The following LDHB variants were observed in gnomAD, a reference collection of about 807,000 sequenced individuals.
LDHB encodes the protein lactate dehydrogenase B.
LDHB carries 18 observed loss-of-function variants against 33.4 expected under a neutral mutation model. The observed-to-expected ratio is 0.54, with a 90% CI of 0.37 to 0.80. The LOEUF (loss-of-function observed/expected upper bound fraction) is 0.80, where lower values mean the gene tolerates loss of function less well. LDHB is among the 30% of genes least tolerant of loss of function. The probability of loss-of-function intolerance (pLI) is 0.00; values close to 1 mark genes in which losing one functional copy is unlikely to be tolerated. For missense variants in LDHB, 345 were observed against 407.9 expected (o/e 0.85, Z 1.33); for synonymous variants, 121 against 140.6 (o/e 0.86, Z 0.98).
intron 4 of LDHB, among the ~76,000 whole-genome samples, chr12:21,642,611 C>T (rs1025387949): frequency 2.6e-5 from 4 of 152,128 alleles, no homozygotes; most frequent in Non-Finnish European, 5.9e-5. Flanking sequence ...TGTGATAATA[C>T]GTAGTATTAA....
intron 3 of LDHB, among the ~76,000 whole-genome samples, chr12:21,644,966 G>A (rs1938480153): frequency 6.6e-6 from 1 of 152,144 alleles, no homozygotes; most frequent in African/African-American, 2.4e-5. Context: ...AGAGAGATCA[G>A]ACTGTTACTG....
chr12:21,643,254 T>C (rs1938422829), intron 4 of LDHB, among the ~76,000 whole-genome samples: 1 of 152,356 alleles, frequency 6.6e-6, no homozygotes, highest in South Asian at 2.1e-4. Flanking sequence ...TACTATTTTC[T>C]CAATGTACCT....
At chr12:21,657,440 G>A (rs1014409344) in intron 1 of LDHB, 2 of 152,416 alleles carry the variant, frequency 1.3e-5, no homozygotes, top group Non-Finnish European at 2.9e-5. Context: ...AGCAGGCCGT[G>A]GGGGTGATGT....
At chr12:21,653,884 TAAA>T (rs1468256887) in intron 2 of LDHB, among the ~76,000 whole-genome samples, 1 of 152,088 alleles carries the variant, frequency 6.6e-6, no homozygotes. Context: ...ACTTATTAAT[TAAA>T]AGAGGGAAAG....
In LDHB at chr12:21,651,557, A is replaced by G. The variant is rs376276396; in HGVS notation, c.129+2986T>C. Among the ~76,000 whole-genome samples, 4 of 152,300 alleles carry G rather than the reference A, an allele frequency of 2.6e-5. No individual in the cohort carries two copies. In the East Asian group the frequency reaches 5.8e-4, roughly 22 times the overall value. The stretch of plus-strand genomic sequence containing the variant: ...GCAAGGTACACCATCTATGAGCTCA[A>G]AAAGGCCAGATCTGGCACTTACTAT... On this transcript the variant is annotated intron_variant, in intron 2 of 7. Transcript: ENST00000350669.
At position 21,637,068 on chromosome 12, in the gene LDHB, T is replaced by C. The variant is rs200082989; in HGVS notation, c.837+3A>G. The C allele has an allele frequency of 1.4e-5, 22 of 1,602,680 alleles. No homozygotes were observed. Among genetic ancestry groups the C allele is most frequent in the East Asian group, 2.2e-5 (1 of 44,710 alleles). ...TATTACATTTTGTGGTAGTTTGTCT[T>C]ACCTTTACCATTGTTGACACGGGAT... On this transcript the variant is annotated splice_donor_region_variant and intron_variant, in intron 7 of 7. Transcript: ENST00000350669.
At position 21,646,909 on chromosome 12, in the gene LDHB, C is replaced by T; in HGVS notation, c.237G>A (p.Val79=). The change falls in exon 3 of 8, where the codon GTG becomes GTA. Residue 79 remains valine, a synonymous_variant. Coordinates refer to ENST00000350669, the MANE Select transcript of LDHB (RefSeq NM_002300.8). Reference sequence around the variant, plus strand: ...ATTAAGTGAAATTACCTTTATCTGCCACAATTTTAGGTGTCTGAAGAAATA... The same window carrying T: ...ATTAAGTGAAATTACCTTTATCTGCTACAATTTTAGGTGTCTGAAGAAATA... ...GSLFLQTPKI[V]ADKDYSVTAN... 1.2e-6 allele frequency: 2 copies of T among 1,602,884 alleles called. No individual in the cohort carries two copies. Among genetic ancestry groups the T allele is most frequent in the Non-Finnish European group, 1.7e-6 (2 of 1,170,018 alleles).
At chr12:21,642,702 C>T (rs375370122) in intron 4 of LDHB, among the ~76,000 whole-genome samples, 21 of 152,268 alleles carry the variant, frequency 1.4e-4, no homozygotes, top group African/African-American at 4.6e-4. Flanking sequence ...AGACATAAAA[C>T]TTTTGCTGAT....
intron 6 of LDHB, 26 bp from the exon 7 acceptor site, chr12:21,637,220 C>T: frequency 6.4e-7 from 1 of 1,553,630 alleles, no homozygotes; most frequent in East Asian, 2.2e-5. Context: ...AAAGACATCA[C>T]TGAAATAAGA....
At position 21,635,673 on chromosome 12, in the gene LDHB, G is replaced by A. The variant is rs947068791; in HGVS notation, c.874C>T (p.Leu292Phe). Residue 292 changes from leucine (L) to phenylalanine (F), a missense_variant, in exon 8 of 8, where the codon CTT (leucine) becomes TTT (phenylalanine). Leu to Phe is a conservative substitution (Grantham distance 22, BLOSUM62 0). Coordinates refer to ENST00000350669, the MANE Select transcript of LDHB (RefSeq NM_002300.8). ...CCCCGGGCATTGAGGATACATGGAA[G>A]GCTCAGGAAGACTTCATTCTCAATG... ...YGIENEVFLS[L>F]PCILNARGLT... The A allele has an allele frequency of 1.9e-5, 30 of 1,613,770 alleles. No individual in the cohort carries two copies. The highest frequency in any genetic ancestry group is 2.5e-5 in the Non-Finnish European group (30 of 1,179,838).
chr12:21,655,649 G>A (rs1304676957), intron 1 of LDHB, among the ~76,000 whole-genome samples: 2 of 152,106 alleles, frequency 1.3e-5, no homozygotes, highest in South Asian at 2.1e-4. Context: ...ATACATTGTC[G>A]TTTCAGGGGA....
intron 3 of LDHB, among the ~76,000 whole-genome samples, 162 bp from the exon 4 acceptor site, chr12:21,644,270 G>A (rs1349414890): frequency 6.6e-6 from 1 of 151,836 alleles, no homozygotes; most frequent in Non-Finnish European, 1.5e-5. Flanking sequence ...TGTTCCTGTG[G>A]CTTCTTTTTT....
chr12:21,635,749 T>C (rs757027750), intron 7 of LDHB, 40 bp from the exon 8 acceptor site: 3 of 1,593,326 alleles, frequency 1.9e-6, no homozygotes, highest in East Asian at 2.2e-5. Context: ...GACATGAAAC[T>C]GTAAGTAAAA....
At chr12:21,639,888 C>T (rs1412013731) in intron 5 of LDHB, among the ~76,000 whole-genome samples, 2 of 151,944 alleles carry the variant, frequency 1.3e-5, no homozygotes, top group Non-Finnish European at 2.9e-5. Context: ...AGAAAAAAGT[C>T]AGCATTCTTA....
intron 3 of LDHB, 133 bp from the exon 4 acceptor site, chr12:21,644,241 G>A: frequency 1.5e-6 from 1 of 666,538 alleles, no homozygotes; most frequent in South Asian, 1.9e-5. Flanking sequence ...TTTCTGTATT[G>A]TAAGGGCTTG....
In LDHB at chr12:21,654,253, T is replaced by C. The variant is rs146050408; in HGVS notation, c.129+290A>G. On this transcript the variant is annotated intron_variant, in intron 2 of 7. Coordinates refer to ENST00000350669, the MANE Select transcript of LDHB (RefSeq NM_002300.8). ...GAAAATAGCTATAAACGGCATGATT[T>C]TGACAACATGGAGAATTTTAAATGT... is the stretch of plus-strand genomic sequence containing the variant. 3.2e-3 allele frequency: 1,249 copies of C among 387,228 alleles called. 12 individuals are homozygous for C. The highest frequency in any genetic ancestry group is 0.023 in the African/African-American group (1,139 of 49,050). The allele number at this position is 387,228 out of a possible 1,614,324, so 24.0% of individuals were successfully genotyped here. A position where few individuals can be genotyped will look rare whatever the true frequency, so the allele number is the denominator to read the frequency against.
chr12:21,641,868 TA>T lies in LDHB; in HGVS notation c.595+83del, dbSNP rs1171457767. 4 of 1,224,410 alleles carry T rather than the reference TA, an allele frequency of 3.3e-6. No individual in the cohort carries two copies. In the African/African-American group the frequency reaches 6.1e-5, roughly 19 times the overall value. The allele number at this position is 1,224,410 out of a possible 1,614,324, so 75.8% of individuals were successfully genotyped here. A position where few individuals can be genotyped will look rare whatever the true frequency, so the allele number is the denominator to read the frequency against. Reference sequence around the variant, plus strand: ...CTGTTCTTAAGTACATCAAAGTCTATAAAAATAAAATTTGAAATAAAATGAA... The same window carrying T: ...CTGTTCTTAAGTACATCAAAGTCTATAAAATAAAATTTGAAATAAAATGAA... On this transcript the variant is annotated intron_variant, in intron 5 of 7. Transcript: ENST00000350669.
At chr12:21,648,917 C>T (rs1938603138) in intron 2 of LDHB, among the ~76,000 whole-genome samples, 1 of 152,186 alleles carries the variant, frequency 6.6e-6, no homozygotes, top group Non-Finnish European at 1.5e-5. Flanking sequence ...TTGGGGATCA[C>T]GTACAAAACA....
intron 3 of LDHB, among the ~76,000 whole-genome samples, chr12:21,644,593 T>C (rs1357330911): frequency 3.3e-5 from 5 of 152,204 alleles, no homozygotes; most frequent in African/African-American, 7.2e-5. Flanking sequence ...ATTTGCTTTT[T>C]AGCGCTGCAA....
Sources: allele counts gnomAD v4.1 joint callset (sites outside exome capture counted in the v4.1 genomes callset), GRCh38; gene constraint gnomAD v4.1.1; transcripts MANE v1.5; gene names NCBI Gene and HGNC (gene_info 2026-07-23, HGNC 2026-07-21).